The following RDH16 variants were observed in gnomAD, a reference collection of about 807,000 sequenced individuals.
RDH16 encodes the protein human epidermal retinol dehydrogenase.
In RDH16, 25 loss-of-function variants were observed where a neutral mutation model predicts 22.3. That is an observed-to-expected ratio of 1.12 (90% CI 0.82 to 1.56). RDH16 has a LOEUF of 1.56. Ranked by LOEUF, RDH16 falls within the 40% of genes most tolerant of loss-of-function variation. The probability of loss-of-function intolerance (pLI) is 0.00; values close to 1 mark genes in which losing one functional copy is unlikely to be tolerated. For missense variants in RDH16, 413 were observed against 394.9 expected (o/e 1.05, Z -0.39); for synonymous variants, 154 against 164.4 (o/e 0.94, Z 0.48).
In RDH16 at chr12:56,952,942, G is replaced by C; in HGVS notation, c.621C>G (p.Gly207=). 1 of 1,613,944 alleles carries C rather than the reference G, an allele frequency of 6.2e-7. No individual in the cohort carries two copies. The highest frequency in any genetic ancestry group is 8.5e-7 in the Non-Finnish European group (1 of 1,179,946). ...TACTGGTCACAGCAGTCTTGAAATA[G>C]CCAGGTTCAATCATAGCCACCTTCA... ...FGVKVAMIEP[G]YFKTAVTSKE... Residue 207 remains glycine, a synonymous_variant, in exon 3 of 4, where the codon GGC becomes GGG. Transcript: ENST00000398138.
chr12:56,953,068 G>C, intron 2 of RDH16, 78 bp from the exon 3 acceptor site: 1 of 1,325,836 alleles, frequency 7.5e-7, no homozygotes, highest in Non-Finnish European at 1.0e-6. Context: ...GTAAAACTAT[G>C]ATATCACAAC....
rs779110641 is a variant in RDH16 at position 56,957,167 on chromosome 12, T to C, written c.296A>G (p.Glu99Gly). ...GTGGTTACCTTTGTCTCTCACGCAC[T>C]CCTTCACCCACTGGGCGGCTGCAGC... ...SVAAAAQWVKECVRDKGLWGL... is the reference protein window; with the variant it reads ...SVAAAAQWVKGCVRDKGLWGL... Residue 99 changes from glutamate (E) to glycine (G), a missense_variant, in exon 1 of 4, where the codon GAG becomes GGG. By Grantham distance (98) the Glu-to-Gly change is moderately conservative. Transcript: ENST00000398138. The C allele has an allele frequency of 5.0e-6, 8 of 1,611,500 alleles. No homozygotes were observed. The highest frequency in any genetic ancestry group is 1.1e-5 in the South Asian group (1 of 90,972).
intron 3 of RDH16, 143 bp from the exon 4 acceptor site, chr12:56,952,389 A>G: frequency 2.6e-6 from 2 of 762,196 alleles, no homozygotes; most frequent in East Asian, 2.7e-5. Flanking sequence ...CTTTTATCCA[A>G]ATTCCCTGAG....
Position 56,957,527 on chromosome 12 carries a change from A to G in RDH16, c.-65T>C. 6.6e-7 allele frequency: 1 copy of G among 1,522,866 alleles called. No homozygotes were observed. The highest frequency in any genetic ancestry group is 1.4e-5 in the African/African-American group (1 of 72,726). The allele number at this position is 1,522,866 out of a possible 1,614,324, so 94.3% of individuals were successfully genotyped here. On this transcript the variant is annotated 5_prime_UTR_variant, in exon 1 of 4. Transcript: ENST00000398138. ...ACCAGAGTCTGGCCTCTGTTCAGAC[A>G]GGAGGATTTAAGAACACAGAGGGCT...
Position 56,957,541 on chromosome 12 carries a change from A to G in RDH16, c.-79T>C, listed in dbSNP as rs111607119. ...TCTGTTCAGACAGGAGGATTTAAGA[A>G]CACAGAGGGCTGTGGTAGGCAGGGA... On this transcript the variant is annotated 5_prime_UTR_variant, in exon 1 of 4. Coordinates refer to ENST00000398138, the MANE Select transcript of RDH16 (RefSeq NM_003708.5). The G allele has an allele frequency of 5.6e-4, 831 of 1,477,100 alleles. 4 individuals carry two copies. The African/African-American group carries it at 0.01, about 18-fold the overall frequency. 91.5% of individuals were successfully genotyped at this position (1,477,100 alleles called of 1,614,324 possible).
intron 3 of RDH16, among the ~76,000 whole-genome samples, chr12:56,952,599 C>A (rs1318956911): frequency 6.6e-6 from 1 of 152,186 alleles, no homozygotes; most frequent in East Asian, 1.9e-4. Flanking sequence ...TCCTCAGTAA[C>A]GATGGGTTCA....
chr12:56,953,506 C>T (rs3782331), intron 2 of RDH16, among the ~76,000 whole-genome samples: 47,849 of 152,132 alleles, frequency 0.31, 9,892 homozygotes, highest in African/African-American at 0.59. Flanking sequence ...AATCCCTTTT[C>T]TGGAGGGGGT....
At position 56,951,793 on chromosome 12, in the gene RDH16, C is replaced by T. The variant is rs1057075217; in HGVS notation, c.*236G>A. ...GTGGCCACCCACGGTGACAATGCACCCAGGAGCACTATTTGGTCCCTGTTT... is the reference window on the plus strand; with the variant it reads ...GTGGCCACCCACGGTGACAATGCACTCAGGAGCACTATTTGGTCCCTGTTT... On this transcript the variant is annotated 3_prime_UTR_variant, in exon 4 of 4. Transcript: ENST00000398138. 1 of 555,652 alleles carries T rather than the reference C, an allele frequency of 1.8e-6. No homozygotes were observed. The highest frequency in any genetic ancestry group is 1.9e-5 in the African/African-American group (1 of 53,208). The allele number at this position is 555,652 out of a possible 1,614,324, so 34.4% of individuals were successfully genotyped here.
chr12:56,954,752 CCAGA>C (rs1389746127), intron 2 of RDH16, among the ~76,000 whole-genome samples, 150 bp downstream of exon 2: 1 of 152,136 alleles, frequency 6.6e-6, no homozygotes, highest in African/African-American at 2.4e-5. Flanking sequence ...CCAGCCCAAT[CCAGA>C]AAGAGGAAGA....
rs759457475 is a variant in RDH16 at position 56,953,005 on chromosome 12, A to C, written c.573-15T>G. 1.3e-6 allele frequency: 2 copies of C among 1,592,094 alleles called. No individual in the cohort carries two copies. The highest frequency in any genetic ancestry group is 2.3e-5 in the South Asian group (2 of 87,304). ...AGAGTTCCCTCCTGCAAGACAGAGA[A>C]GCAGAGGGGAAAAACTTCGGGGGTC... On this transcript the variant is annotated splice_polypyrimidine_tract_variant and intron_variant, in intron 2 of 3. Transcript: ENST00000398138.
intron 2 of RDH16, among the ~76,000 whole-genome samples, chr12:56,953,233 G>A (rs1041304295): frequency 6.6e-6 from 1 of 152,142 alleles, no homozygotes; most frequent in Non-Finnish European, 1.5e-5. Flanking sequence ...TCCAAAGCAA[G>A]GCAGCACCTT....
At chr12:56,953,065 T>A in intron 2 of RDH16, 75 bp from the exon 3 acceptor site, 1 of 1,349,176 alleles carries the variant, frequency 7.4e-7, no homozygotes, top group Non-Finnish European at 1.0e-6. Flanking sequence ...AAAGTAAAAC[T>A]ATGATATCAC....
At chr12:56,952,794 T>G (rs1955893908) in intron 3 of RDH16, 33 bp downstream of exon 3, 1 of 1,595,680 alleles carries the variant, frequency 6.3e-7, no homozygotes, top group Non-Finnish European at 8.5e-7. Flanking sequence ...CACGAGGGTT[T>G]GCTTCTCTCC....
rs1415283938 is a variant in RDH16, at chr12:56,954,773, T to C, written c.572+133A>G. 4 of 927,804 alleles carry C rather than the reference T, an allele frequency of 4.3e-6. No individual in the cohort carries two copies. The African/African-American group carries it at 6.7e-5, about 15-fold the overall frequency. The allele number at this position is 927,804 out of a possible 1,614,324, so 57.5% of individuals were successfully genotyped here. ...CAATCCAGAAAGAGGAAGATGAGGG[T>C]GTCACACATGAAGACAGAGAGTGAT... On this transcript the variant is annotated intron_variant, in intron 2 of 3. Transcript: ENST00000398138.
chr12:56,954,953 G>C lies in RDH16; in HGVS notation c.525C>G (p.Gly175=), dbSNP rs755623875. Residue 175 remains glycine, a synonymous_variant, in exon 2 of 4, where the codon GGC becomes GGG. Transcript: ENST00000398138. Reference sequence around the variant, plus strand: ...CCACGCCATACTTGGAGATGCAGTAGCCTCCACCAAAAAGTGACACCCGGC... The same window carrying C: ...CCACGCCATACTTGGAGATGCAGTACCCTCCACCAAAAAGTGACACCCGGC... ...VMGRVSLFGG[G]YCISKYGVEA... is the part of the protein sequence containing the mutation. 8 of 1,614,156 alleles carry C rather than the reference G, an allele frequency of 5.0e-6. No homozygotes were observed. Among genetic ancestry groups the C allele is most frequent in the Non-Finnish European group, 6.8e-6 (8 of 1,180,020 alleles).
rs758134985 is a variant in RDH16 at position 56,955,057 on chromosome 12, C to G, written c.421G>C (p.Val141Leu). ...VTILDVNLLG[V>L]IDVTLSLLPL... ...AGCAGGCTCAGAGTCACATCAATCA[C>G]CCCCAACAAGTTCACGTCCAGTATG... The change falls in exon 2 of 4, where the codon GTG becomes CTG. Residue 141 changes from valine (V) to leucine (L), a missense_variant. Coordinates refer to ENST00000398138, the MANE Select transcript of RDH16 (RefSeq NM_003708.5). The G allele has an allele frequency of 6.2e-7, 1 of 1,614,054 alleles. No individual in the cohort carries two copies. Among genetic ancestry groups the G allele is most frequent in the Non-Finnish European group, 8.5e-7 (1 of 1,180,044 alleles).
intron 2 of RDH16, 94 bp downstream of exon 2, chr12:56,954,812 C>T (rs1431243930): frequency 1.5e-6 from 2 of 1,358,416 alleles, no homozygotes; most frequent in Admixed American, 2.0e-5. Context: ...ATGAAAGGAA[C>T]TTACAGGCTG....
chr12:56,955,216 G>A (rs777446940), intron 1 of RDH16, 52 bp from the exon 2 acceptor site: 3 of 1,603,562 alleles, frequency 1.9e-6, no homozygotes, highest in Non-Finnish European at 2.6e-6. Context: ...CTGTGCAGGT[G>A]GACAGAGTTA....
intron 1 of RDH16, 53 bp from the exon 2 acceptor site, chr12:56,955,217 G>A: frequency 6.2e-7 from 1 of 1,601,658 alleles, no homozygotes; most frequent in Non-Finnish European, 8.5e-7. Flanking sequence ...TGTGCAGGTG[G>A]ACAGAGTTAG....
Sources: gnomAD v4.1 joint callset for allele counts (sites outside exome capture counted in the v4.1 genomes callset) on GRCh38, gnomAD v4.1.1 for gene constraint, MANE v1.5 for transcripts, NCBI Gene and HGNC (gene_info 2026-07-23, HGNC 2026-07-21) for gene names.